ATP8A2: variants seen among roughly 807,000 people sequenced by gnomAD.
ATP8A2 encodes ATPase phospholipid transporting 8A2.
In ATP8A2, 100 loss-of-function variants were observed where a neutral mutation model predicts 165.6. The ratio of observed to expected loss-of-function variants is 0.60; its 90% CI spans 0.51 to 0.71. The LOEUF is 0.71. Among genes scored for constraint, ATP8A2 ranks in the 30% least tolerant of loss-of-function variants. The pLI, the probability that ATP8A2 is intolerant of heterozygous loss-of-function variation, is 0.00. For synonymous variants in ATP8A2, 543 were observed against 548.8 expected (o/e 0.99, Z 0.15); for missense variants, 1,227 against 1,479.5 (o/e 0.83, Z 2.80).
chr13:25,554,510 C>CGT (rs1566260010), intron 12 of ATP8A2, among the ~76,000 whole-genome samples: 36 of 105,832 alleles, frequency 3.4e-4, no homozygotes, highest in African/African-American at 1.3e-3. Flanking sequence ...AAATATAAAT[C>CGT]ATGTGTGTGT....
chr13:25,377,205 G>T (rs1359385375), intron 1 of ATP8A2, among the ~76,000 whole-genome samples: 1 of 152,160 alleles, frequency 6.6e-6, no homozygotes, highest in Non-Finnish European at 1.5e-5. Context: ...TTCCTCCTTG[G>T]ATCTTTACAT....
At chr13:26,009,780 T>C (rs573875229) in intron 35 of ATP8A2, among the ~76,000 whole-genome samples, 5 of 152,268 alleles carry the variant, frequency 3.3e-5, no homozygotes, top group African/African-American at 4.8e-5. Context: ...AATATCTCAT[T>C]ATAGGCTGAG....
chr13:25,473,942 C>T (rs2035918781), intron 2 of ATP8A2, among the ~76,000 whole-genome samples: 1 of 152,204 alleles, frequency 6.6e-6, no homozygotes, highest in Non-Finnish European at 1.5e-5. Flanking sequence ...ATACTTATGT[C>T]ATCACTATCA....
At chr13:25,737,087 A>G (rs1391306966) in intron 25 of ATP8A2, among the ~76,000 whole-genome samples, 1 of 152,128 alleles carries the variant, frequency 6.6e-6, no homozygotes, top group Middle Eastern at 3.2e-3. Context: ...AGGAATTTTA[A>G]GAGTGAACAA....
intron 6 of ATP8A2, among the ~76,000 whole-genome samples, 168 bp downstream of exon 6, chr13:25,533,481 G>A (rs1033413350): frequency 4.6e-5 from 7 of 152,180 alleles, no homozygotes; most frequent in African/African-American, 1.7e-4. Context: ...TCTAGTAAGG[G>A]CCCAATGTGT....
At chr13:25,493,640 G>C (rs573186181) in intron 2 of ATP8A2, among the ~76,000 whole-genome samples, 3 of 152,234 alleles carry the variant, frequency 2.0e-5, no homozygotes, top group South Asian at 4.1e-4. Flanking sequence ...AAATATGCTG[G>C]TCTAGACAGA....
At position 25,513,641 on chromosome 13, in the gene ATP8A2, C is replaced by T. The variant is rs1462125626; in HGVS notation, c.222-16358C>T. Among the ~76,000 whole-genome samples, 20 of 152,140 alleles carry T rather than the reference C, an allele frequency of 1.3e-4. No individual in the cohort carries two copies. The South Asian group carries it at 3.3e-3, about 25-fold the overall frequency. ...TGGAGGTTGTAGCGAGCCGAGATCA[C>T]GCCACTGCACTCCAGCCTGGGCACC... On this transcript the variant is annotated intron_variant, in intron 2 of 36. Coordinates refer to ENST00000381655, the MANE Select transcript of ATP8A2 (RefSeq NM_016529.6).
At chr13:25,768,932 T>TA in intron 25 of ATP8A2, 114 bp from the exon 26 acceptor site, 2 of 969,976 alleles carry the variant, frequency 2.1e-6, no homozygotes, top group Non-Finnish European at 1.6e-6. Context: ...AAAATGGATG[T>TA]ATTGAATTTG....
intron 27 of ATP8A2, among the ~76,000 whole-genome samples, chr13:25,789,592 A>G (rs2045115672): frequency 6.6e-6 from 1 of 152,226 alleles, no homozygotes; most frequent in African/African-American, 2.4e-5. Flanking sequence ...GATGACACAA[A>G]CAAATGGAAA....
rs1446254073 is a variant in ATP8A2 at position 25,530,065 on chromosome 13, T to C, written c.288T>C (p.Ala96=). The C allele has an allele frequency of 1.9e-6, 3 of 1,611,210 alleles. No individual in the cohort carries two copies. The East Asian group carries it at 6.7e-5, about 36-fold the overall frequency. ...RFLYEQIRRA[A]NAFFLFIALL... is the part of the protein sequence containing the mutation. ...TGTATGAGCAGATTAGAAGAGCTGC[T>C]AATGCCTTCTTTCTCTTCATTGCCT... is the stretch of plus-strand genomic sequence containing the variant. The change falls in exon 3 of 37, where the codon GCT becomes GCC. Residue 96 remains alanine (A), a synonymous_variant. Coordinates refer to ENST00000381655, the MANE Select transcript of ATP8A2 (RefSeq NM_016529.6).
chr13:25,990,187 T>C (rs1302840752), intron 35 of ATP8A2, among the ~76,000 whole-genome samples: 2 of 149,854 alleles, frequency 1.3e-5, no homozygotes, highest in African/African-American at 2.5e-5. Flanking sequence ...CTTCACTTCT[T>C]CAGTCCTTCA....
At chr13:25,561,718 A>G (rs1267657422) in intron 15 of ATP8A2, among the ~76,000 whole-genome samples, 1 of 152,190 alleles carries the variant, frequency 6.6e-6, no homozygotes, top group Non-Finnish European at 1.5e-5. Flanking sequence ...AGCCATCCGC[A>G]CCATTCATTT....
At chr13:25,814,520 A>G (rs910386392) in intron 27 of ATP8A2, among the ~76,000 whole-genome samples, 1 of 151,940 alleles carries the variant, frequency 6.6e-6, no homozygotes, top group African/African-American at 2.4e-5. Flanking sequence ...TACCATAAAG[A>G]CAGATACGTA....
intron 24 of ATP8A2, among the ~76,000 whole-genome samples, chr13:25,669,724 C>T (rs950005625): frequency 4.6e-5 from 7 of 152,294 alleles, no homozygotes; most frequent in Middle Eastern, 3.4e-3. Flanking sequence ...TAGCCTCCAC[C>T]TTCCCTGCTT....
rs944947187 is a variant in ATP8A2 at position 25,377,685 on chromosome 13, G to A, written c.76+5397G>A. ...TGCGTGCCTGTAATCCCTGTAACTCGGCAGGCTGAGGCAGGAGAATGACTT... is the reference window on the plus strand; with the variant it reads ...TGCGTGCCTGTAATCCCTGTAACTCAGCAGGCTGAGGCAGGAGAATGACTT... On this transcript the variant is annotated intron_variant, in intron 1 of 36. Transcript: ENST00000381655. Among the ~76,000 whole-genome samples the A allele has an allele frequency of 3.3e-5, 5 of 152,156 alleles. No individual in the cohort carries two copies. The South Asian group carries it at 6.2e-4, about 19-fold the overall frequency.
At chr13:25,799,658 C>G (rs963722405) in intron 27 of ATP8A2, among the ~76,000 whole-genome samples, 6 of 152,180 alleles carry the variant, frequency 3.9e-5, no homozygotes, top group African/African-American at 1.4e-4. Context: ...TTGCCTCCGT[C>G]CCTGAGTGTA....
intron 24 of ATP8A2, among the ~76,000 whole-genome samples, chr13:25,613,803 G>C (rs533291889): frequency 6.6e-6 from 1 of 152,216 alleles, no homozygotes. Flanking sequence ...TTGTCTACTT[G>C]TTCAATTCTG....
intron 2 of ATP8A2, among the ~76,000 whole-genome samples, chr13:25,476,414 G>A (rs924204801): frequency 6.6e-6 from 1 of 151,646 alleles, no homozygotes; most frequent in Non-Finnish European, 1.5e-5. Flanking sequence ...TCAGACTCTC[G>A]AGTAGCTGCG....
chr13:25,588,731 G>C (rs979892832), intron 23 of ATP8A2, among the ~76,000 whole-genome samples: 7 of 152,248 alleles, frequency 4.6e-5, no homozygotes, highest in African/African-American at 1.7e-4. Context: ...CTCAATGAGA[G>C]AGATTGAGTT....
Sources: allele counts gnomAD v4.1 joint callset (sites outside exome capture counted in the v4.1 genomes callset), GRCh38; gene constraint gnomAD v4.1.1; transcripts MANE v1.5; gene names NCBI Gene and HGNC (gene_info 2026-07-23, HGNC 2026-07-21).